Variants in DBX1 observed in about 807,000 individuals in gnomAD.
DBX1 encodes developing brain homeobox 1, also known as homeobox protein DBX1.
Under a neutral mutation model 20.8 loss-of-function variants are expected in DBX1, and 10 were observed. That is an observed-to-expected ratio of 0.48 (90% CI 0.30 to 0.82). The LOEUF (loss-of-function observed/expected upper bound fraction) is 0.82. Ranked by LOEUF, DBX1 falls within the 40% of genes least tolerant of loss-of-function variation. DBX1 has a pLI of 0.07. For synonymous variants in DBX1, 241 were observed against 213.9 expected, an observed-to-expected ratio of 1.13 and a Z score of -1.11; for missense variants, 505 against 468.8, an observed-to-expected ratio of 1.08 and a Z score of -0.71.
At position 20,157,122 on chromosome 11, in the gene DBX1, A is replaced by G; in HGVS notation, c.587T>C (p.Leu196Pro). ...AVFSDVQRKA[L>P]EKMFQKQKYI... is the part of the protein sequence containing the mutation. ...CTTCTGCTTCTGGAACATCTTCTCC[A>G]GCGCCTTCCGCTGCACGTCGGAGAA... The change falls in exon 3 of 4, where the codon CTG (leucine) becomes CCG (proline). Residue 196 changes from leucine (L) to proline (P), a missense_variant. By Grantham distance (98) the Leu-to-Pro change is moderately conservative (BLOSUM62 -3). Transcript: ENST00000524983. 1 of 1,613,764 alleles carries G rather than the reference A, an allele frequency of 6.2e-7. No individual in the cohort carries two copies. Among genetic ancestry groups the G allele is most frequent in the Non-Finnish European group, 8.5e-7 (1 of 1,179,982 alleles).
rs546766197 is a variant in DBX1 at position 20,156,676 on chromosome 11, C to A, written c.673-103G>T. 5.9e-6 allele frequency: 9 copies of A among 1,537,232 alleles called. No homozygotes were observed. Among genetic ancestry groups the A allele is most frequent in the African/African-American group, 5.5e-5 (4 of 73,250 alleles). The stretch of plus-strand genomic sequence containing the variant: ...GAGTGGAGTCGGGTGCAGGCTCTGT[C>A]CTTCGGGCTGTGTCCTCTCCCCACC... On this transcript the variant is annotated intron_variant, in intron 3 of 3. Transcript: ENST00000524983. The surrounding 1 kb of genome is among the most constrained non-coding windows in gnomAD (Gnocchi z 4.8).
At position 20,160,393 on chromosome 11, in the gene DBX1, C is replaced by G. The variant is rs1036026958; in HGVS notation, c.-69G>C. 8.0e-5 allele frequency: 115 copies of G among 1,441,128 alleles called. No homozygotes were observed. The African/African-American group carries it at 1.5e-3, about 18-fold the overall frequency. The allele number at this position is 1,441,128 out of a possible 1,614,324, so 89.3% of individuals were successfully genotyped here. On this transcript the variant is annotated 5_prime_UTR_variant, in exon 1 of 4. Coordinates refer to ENST00000524983, the MANE Select transcript of DBX1 (RefSeq NM_001029865.4). ...AGGGTAAACGCCTCGCTTCCCGCCCCTCCCGCCCCCACAGTGTCCTCTCTC... is the reference window on the plus strand; with the variant it reads ...AGGGTAAACGCCTCGCTTCCCGCCCGTCCCGCCCCCACAGTGTCCTCTCTC...
chr11:20,160,232 C>G lies in DBX1; in HGVS notation c.93G>C (p.Ser31=). The G allele has an allele frequency of 6.5e-7, 1 of 1,546,116 alleles. No individual in the cohort carries two copies. The highest frequency in any genetic ancestry group is 8.7e-7 in the Non-Finnish European group (1 of 1,146,562). The change falls in exon 1 of 4, where the codon TCG becomes TCC. Residue 31 remains serine, a synonymous_variant. Transcript: ENST00000524983. ...GGAAGCTGGAGTGGCCGGAAAATGC[C>G]GACTGCAAGGACTGGGGCAGCGTCA... The part of the protein sequence containing the change: ...PTLTLPQSLQ[S]AFSGHSSFLV...
intron 2 of DBX1, among the ~76,000 whole-genome samples, chr11:20,158,533 GCTT>G (rs1213817121): frequency 2.0e-5 from 3 of 152,066 alleles, no homozygotes; most frequent in African/African-American, 7.2e-5. Context: ...TCTTCTAACT[GCTT>G]CTTATTTTGC....
In DBX1 at chr11:20,159,090, C is replaced by A. The variant is rs1272180902; in HGVS notation, c.469+101G>T. 31 of 838,740 alleles carry A rather than the reference C, an allele frequency of 3.7e-5. 1 individual carries two copies. Among genetic ancestry groups the A allele is most frequent in the South Asian group, 1.8e-4 (12 of 66,352 alleles). 52.0% of individuals were successfully genotyped at this position (838,740 alleles called of 1,614,324 possible). On this transcript the variant is annotated intron_variant, in intron 2 of 3. Transcript: ENST00000524983. ...TCGCAACCTCTGAACCAGAGCATAA[C>A]CCCGAGGGGTGGACGGAGAAATACG...
Position 20,156,984 on chromosome 11 carries a change from G to A in DBX1, c.672+53C>T. 2 of 1,570,830 alleles carry A rather than the reference G, an allele frequency of 1.3e-6. No individual in the cohort carries two copies. The highest frequency in any genetic ancestry group is 1.7e-6 in the Non-Finnish European group (2 of 1,152,008). On this transcript the variant is annotated intron_variant, in intron 3 of 3. Transcript: ENST00000524983. This position sits in a 1 kb window ranked among gnomAD's most constrained non-coding sequence, Gnocchi z 4.8. The stretch of plus-strand genomic sequence containing the variant: ...ACCCTTGCAATTGACGGGTGCGCCG[G>A]GGAGGGGTGAAGGGCGGGGGCGGGG...
chr11:20,156,982 CG>C lies in DBX1; in HGVS notation c.672+54del. 2 of 1,380,900 alleles carry C rather than the reference CG, an allele frequency of 1.4e-6. No individual in the cohort carries two copies. The highest frequency in any genetic ancestry group is 2.8e-5 in the East Asian group (1 of 36,170). 85.5% of individuals were successfully genotyped at this position (1,380,900 alleles called of 1,614,324 possible). A position where few individuals can be genotyped will look rare whatever the true frequency, so the allele number is the denominator to read the frequency against. The stretch of plus-strand genomic sequence containing the variant: ...GAACCCTTGCAATTGACGGGTGCGC[CG>C]GGGAGGGGTGAAGGGCGGGGGCGGG... On this transcript the variant is annotated intron_variant, in intron 3 of 3. Coordinates refer to ENST00000524983, the MANE Select transcript of DBX1 (RefSeq NM_001029865.4). The surrounding 1 kb of genome is among the most constrained non-coding windows in gnomAD (Gnocchi z 4.8).
rs773887066 is a variant in DBX1 at position 20,156,443 on chromosome 11, A to G, written c.803T>C (p.Val268Ala). 2.2e-5 allele frequency: 36 copies of G among 1,609,998 alleles called. No individual in the cohort carries two copies. Among genetic ancestry groups the G allele is most frequent in the Non-Finnish European group, 2.9e-5 (34 of 1,178,196 alleles). Residue 268 changes from valine to alanine, a missense_variant, in exon 4 of 4, where the codon GTG becomes GCG. Coordinates refer to ENST00000524983, the MANE Select transcript of DBX1 (RefSeq NM_001029865.4). This position sits in a 1 kb window ranked among gnomAD's most constrained non-coding sequence, Gnocchi z 4.8. ...KLNPHPDLSD[V>A]GQKGPGNEEE... ...TTCGTTCCCAGGGCCCTTCTGGCCC[A>G]CGTCGCTGAGGTCCGGGTGCGGATT...
chr11:20,160,105 G>C lies in DBX1; in HGVS notation c.220C>G (p.Leu74Val). The part of the protein sequence containing the change: ...SPPRQGAPTA[L>V]TDTGASDLGS... Reference sequence around the variant, plus strand: ...AGGTCCGAGGCCCCCGTGTCGGTGAGGGCCGTGGGGGCCCCCTGCCTGGGC... The same window carrying C: ...AGGTCCGAGGCCCCCGTGTCGGTGACGGCCGTGGGGGCCCCCTGCCTGGGC... Residue 74 changes from leucine to valine, a missense_variant, in exon 1 of 4, where the codon CTC (leucine) becomes GTC (valine). By Grantham distance (32) the Leu-to-Val change is conservative. Transcript: ENST00000524983. The C allele has an allele frequency of 1.9e-6, 3 of 1,552,116 alleles. No homozygotes were observed. Among genetic ancestry groups the C allele is most frequent in the Non-Finnish European group, 1.7e-6 (2 of 1,147,360 alleles).
In DBX1 at chr11:20,156,728, C is replaced by G. The variant is rs1345347075; in HGVS notation, c.673-155G>C. The G allele has an allele frequency of 8.5e-7, 1 of 1,174,516 alleles. No individual in the cohort carries two copies. The allele number at this position is 1,174,516 out of a possible 1,614,324, so 72.8% of individuals were successfully genotyped here. A position where few individuals can be genotyped will look rare whatever the true frequency, so the allele number is the denominator to read the frequency against. ...CCAGAAATGAGTTCCGGTGGATTCCCGCATTGACTCCGCCCCCGCCTCAGC... is the reference window on the plus strand; with the variant it reads ...CCAGAAATGAGTTCCGGTGGATTCCGGCATTGACTCCGCCCCCGCCTCAGC... On this transcript the variant is annotated intron_variant, in intron 3 of 3. Coordinates refer to ENST00000524983, the MANE Select transcript of DBX1 (RefSeq NM_001029865.4). The surrounding 1 kb of genome is among the most constrained non-coding windows in gnomAD (Gnocchi z 4.8).
At position 20,156,796 on chromosome 11, in the gene DBX1, G is replaced by A. The variant is rs2063660644; in HGVS notation, c.673-223C>T. On this transcript the variant is annotated intron_variant, in intron 3 of 3. Coordinates refer to ENST00000524983, the MANE Select transcript of DBX1 (RefSeq NM_001029865.4). The surrounding 1 kb of genome is among the most constrained non-coding windows in gnomAD (Gnocchi z 4.8). ...TCATCCGCTGCCACCCTGCCCCGAA[G>A]GGCGGGGTTGGGGGCCGGTGAGGCC... The A allele has an allele frequency of 2.4e-6, 2 of 819,834 alleles. No individual in the cohort carries two copies. The highest frequency in any genetic ancestry group is 4.4e-5 in the Admixed American group (2 of 45,716). The allele number at this position is 819,834 out of a possible 1,614,324, so 50.8% of individuals were successfully genotyped here.
Position 20,159,266 on chromosome 11 carries a change from C to A in DBX1, c.394G>T (p.Val132Phe), listed in dbSNP as rs747004190. 1 of 1,613,226 alleles carries A rather than the reference C, an allele frequency of 6.2e-7. No homozygotes were observed. Among genetic ancestry groups the A allele is most frequent in the Non-Finnish European group, 8.5e-7 (1 of 1,179,680 alleles). ...GGAAAGGCGAAGGTCTTGGGAGGGA[C>A]GCTCTGGAGCAAGGCTGGGGATGTT... ...TETSPALLQS[V>F]PPKTFAFPYF... The change falls in exon 2 of 4, where the codon GTC becomes TTC. Residue 132 changes from valine to phenylalanine, a missense_variant. Physicochemically the swap from Val to Phe is conservative, Grantham distance 50. Transcript: ENST00000524983.
In DBX1 at chr11:20,156,603, G is replaced by A. The variant is rs868830247; in HGVS notation, c.673-30C>T. On this transcript the variant is annotated intron_variant, in intron 3 of 3. Coordinates refer to ENST00000524983, the MANE Select transcript of DBX1 (RefSeq NM_001029865.4). The surrounding 1 kb of genome is among the most constrained non-coding windows in gnomAD (Gnocchi z 4.8). Reference sequence around the variant, plus strand: ...AATGTCCCGGCCGGCGAGAAGAAGGGAGAAGCAGAGGTCAGATCAGGGGCT... The same window carrying A: ...AATGTCCCGGCCGGCGAGAAGAAGGAAGAAGCAGAGGTCAGATCAGGGGCT... 1.2e-6 allele frequency: 2 copies of A among 1,613,838 alleles called. No homozygotes were observed. Among genetic ancestry groups the A allele is most frequent in the Middle Eastern group, 1.6e-4 (1 of 6,062 alleles).
In DBX1 at chr11:20,156,631, G is replaced by C. The variant is rs948793859; in HGVS notation, c.673-58C>G. Reference sequence around the variant, plus strand: ...AAGCAGAGGTCAGATCAGGGGCTCCGGGGGACGCACGGGGGCGGGGAGTGG... The same window carrying C: ...AAGCAGAGGTCAGATCAGGGGCTCCCGGGGACGCACGGGGGCGGGGAGTGG... On this transcript the variant is annotated intron_variant, in intron 3 of 3. Transcript: ENST00000524983. This position sits in a 1 kb window ranked among gnomAD's most constrained non-coding sequence, Gnocchi z 4.8. 4 of 1,612,762 alleles carry C rather than the reference G, an allele frequency of 2.5e-6. No homozygotes were observed. In the East Asian group the frequency reaches 8.9e-5, roughly 36 times the overall value.
At chr11:20,157,002 G>A (rs762926762) in intron 3 of DBX1, 35 bp downstream of exon 3, 2 of 1,564,992 alleles carry the variant, frequency 1.3e-6, no homozygotes, top group East Asian at 2.3e-5. Context: ...TGAAGGGCGG[G>A]GGCGGGGGGG....
At position 20,160,299 on chromosome 11, in the gene DBX1, G is replaced by C; in HGVS notation, c.26C>G (p.Pro9Arg). The C allele has an allele frequency of 6.6e-7, 1 of 1,526,368 alleles. No individual in the cohort carries two copies. The highest frequency in any genetic ancestry group is 8.8e-7 in the Non-Finnish European group (1 of 1,138,678). 94.6% of individuals were successfully genotyped at this position (1,526,368 alleles called of 1,614,324 possible). A position where few individuals can be genotyped will look rare whatever the true frequency, so the allele number is the denominator to read the frequency against. MMFPGLLA[P>R]PAGYPSLLRP... The stretch of plus-strand genomic sequence containing the variant: ...CAGGAGGCTAGGGTACCCGGCGGGG[G>C]GCGCGAGGAGGCCGGGGAACATCAT... Residue 9 changes from proline to arginine, a missense_variant, in exon 1 of 4, where the codon CCC becomes CGC. Pro to Arg is a moderately radical substitution (Grantham distance 103, BLOSUM62 -2). Coordinates refer to ENST00000524983, the MANE Select transcript of DBX1 (RefSeq NM_001029865.4).
Position 20,157,106 on chromosome 11 carries a change from C to G in DBX1, c.603G>C (p.Gln201His). ...VQRKALEKMF[Q>H]KQKYISKPDR... Reference sequence around the variant, plus strand: ...CGGGCTTGCTGATGTACTTCTGCTTCTGGAACATCTTCTCCAGCGCCTTCC... The same window carrying G: ...CGGGCTTGCTGATGTACTTCTGCTTGTGGAACATCTTCTCCAGCGCCTTCC... Residue 201 changes from glutamine to histidine, a missense_variant, in exon 3 of 4, where the codon CAG becomes CAC. By Grantham distance (24) the Gln-to-His change is conservative (BLOSUM62 0). Coordinates refer to ENST00000524983, the MANE Select transcript of DBX1 (RefSeq NM_001029865.4). 6.2e-7 allele frequency: 1 copy of G among 1,614,012 alleles called. No individual in the cohort carries two copies. The highest frequency in any genetic ancestry group is 8.5e-7 in the Non-Finnish European group (1 of 1,180,016).
rs1273841789 is a variant in DBX1, at chr11:20,160,065, G to A, written c.260C>T (p.Pro87Leu). Residue 87 changes from proline (P) to leucine (L), a missense_variant, in exon 1 of 4, where the codon CCC (proline) becomes CTC (leucine). Coordinates refer to ENST00000524983, the MANE Select transcript of DBX1 (RefSeq NM_001029865.4). The part of the protein sequence containing the change: ...TGASDLGSPG[P>L]GSRRGGSPPT... The stretch of plus-strand genomic sequence containing the variant: ...CGGAGAGCCGCCCCGTCGGCTGCCG[G>A]GACCCGGGGAGCCCAGGTCCGAGGC... 1.3e-6 allele frequency: 2 copies of A among 1,575,950 alleles called. No individual in the cohort carries two copies. Among genetic ancestry groups the A allele is most frequent in the Middle Eastern group, 1.7e-4 (1 of 6,014 alleles).
Position 20,160,071 on chromosome 11 carries a change from G to T in DBX1, c.254C>A (p.Pro85Gln). The T allele has an allele frequency of 6.4e-7, 1 of 1,571,578 alleles. No homozygotes were observed. The highest frequency in any genetic ancestry group is 2.4e-5 in the East Asian group (1 of 42,054). Residue 85 changes from proline to glutamine, a missense_variant, in exon 1 of 4, where the codon CCG (proline) becomes CAG (glutamine). Coordinates refer to ENST00000524983, the MANE Select transcript of DBX1 (RefSeq NM_001029865.4). ...GCCGCCCCGTCGGCTGCCGGGACCC[G>T]GGGAGCCCAGGTCCGAGGCCCCCGT... is the stretch of plus-strand genomic sequence containing the variant. ...TDTGASDLGSPGPGSRRGGSP... is the reference protein window; with the variant it reads ...TDTGASDLGSQGPGSRRGGSP...
Sources: gnomAD v4.1 joint callset for allele counts (sites outside exome capture counted in the v4.1 genomes callset) on GRCh38, gnomAD v4.1.1 for gene constraint, Gnocchi (gnomAD v3.1) non-coding constraint, MANE v1.5 for transcripts, NCBI Gene and HGNC (gene_info 2026-07-23, HGNC 2026-07-21) for gene names.